The following LTA4H variants were observed in gnomAD, a reference collection of about 807,000 sequenced individuals.
LTA4H encodes the protein leukotriene A-4 hydrolase.
In LTA4H, 59 loss-of-function variants were observed where a neutral mutation model predicts 89.8. The observed-to-expected ratio is 0.66, with a 90% CI of 0.53 to 0.82. The LOEUF is 0.82. Among genes scored for constraint, LTA4H ranks in the 40% least tolerant of loss-of-function variants. LTA4H has a pLI of 0.00. For synonymous variants in LTA4H, 227 were observed against 253.1 expected (o/e 0.90, Z 0.98); for missense variants, 617 against 727.0 (o/e 0.85, Z 1.74).
chr12:96,008,225 G>A (rs906538440), intron 15 of LTA4H, among the ~76,000 whole-genome samples: 6 of 152,068 alleles, frequency 3.9e-5, no homozygotes, highest in Admixed American at 6.6e-5. Context: ...TGATAAATCT[G>A]TTGCAAATTA....
intron 1 of LTA4H, among the ~76,000 whole-genome samples, chr12:96,041,947 C>G (rs1406651132): frequency 3.3e-5 from 5 of 151,610 alleles, no homozygotes; most frequent in African/African-American, 1.2e-4. Context: ...GGCCATAAAC[C>G]CCTAGTTTTA....
intron 3 of LTA4H, among the ~76,000 whole-genome samples, chr12:96,024,859 G>A (rs1950495929): frequency 1.3e-5 from 2 of 152,048 alleles, no homozygotes; most frequent in South Asian, 4.2e-4. Context: ...GTAGAGATGG[G>A]GTTTCTCCAT....
At chr12:96,020,695 T>C (rs1010668064) in intron 6 of LTA4H, 4 of 167,396 alleles carry the variant, frequency 2.4e-5, no homozygotes, top group African/African-American at 4.8e-5. Flanking sequence ...CTTACATTTC[T>C]GTAATATTTG....
chr12:96,023,612 G>A (rs1950478954), intron 4 of LTA4H, among the ~76,000 whole-genome samples: 1 of 152,160 alleles, frequency 6.6e-6, no homozygotes, highest in Non-Finnish European at 1.5e-5. Flanking sequence ...AAGCAAGAAG[G>A]CCCCATAAAT....
At chr12:96,031,701 C>T (rs1950575628) in intron 1 of LTA4H, among the ~76,000 whole-genome samples, 1 of 152,152 alleles carries the variant, frequency 6.6e-6, no homozygotes, top group South Asian at 2.1e-4. Context: ...TCCATGTCAA[C>T]CCTGTGGCCC....
chr12:96,009,028 G>T, intron 15 of LTA4H, 66 bp downstream of exon 15: 2 of 1,193,566 alleles, frequency 1.7e-6, no homozygotes, highest in Non-Finnish European at 1.2e-6. Context: ...TACCCTCCCT[G>T]CTTCATGAGT....
chr12:96,020,247 T>G (rs1950438571), intron 6 of LTA4H, among the ~76,000 whole-genome samples: 1 of 152,152 alleles, frequency 6.6e-6, no homozygotes, highest in Admixed American at 6.5e-5. Flanking sequence ...AACTTTGTCA[T>G]GCACTTAAAG....
Position 96,024,363 on chromosome 12 carries a change from T to A in LTA4H, c.480+116A>T, listed in dbSNP as rs1950488270. ...CTTTGTTTACATATTTCAGGTAGAA[T>A]TTCATTAAGAAAAATAATTCTAGCT... On this transcript the variant is annotated intron_variant, in intron 4 of 18. Transcript: ENST00000228740. 3.3e-5 allele frequency: 20 copies of A among 597,602 alleles called. 1 individual carries two copies. The South Asian group carries it at 4.7e-4, about 14-fold the overall frequency. The allele number at this position is 597,602 out of a possible 1,614,324, so 37.0% of individuals were successfully genotyped here.
chr12:96,021,378 T>C (rs1270371343), intron 5 of LTA4H, among the ~76,000 whole-genome samples: 1 of 152,172 alleles, frequency 6.6e-6, no homozygotes, highest in Non-Finnish European at 1.5e-5. Flanking sequence ...AACAAAAGCT[T>C]CTCACACATG....
At chr12:96,023,038 C>T (rs114605818) in intron 4 of LTA4H, among the ~76,000 whole-genome samples, 3,384 of 152,254 alleles carry the variant, frequency 0.022, 127 homozygotes, top group African/African-American at 0.077. Context: ...ACCATATAGT[C>T]ATTTAACTGT....
upstream of LTA4H, among the ~76,000 whole-genome samples, chr12:96,038,929 T>G (rs959620514): frequency 5.9e-5 from 9 of 151,636 alleles, no homozygotes; most frequent in African/African-American, 1.5e-4. Context: ...CATTAATATA[T>G]TCATCAAAAA....
At chr12:96,035,810 A>G (rs924736589), upstream of LTA4H, 4 of 398,484 alleles carry the variant, frequency 1.0e-5, no homozygotes, top group South Asian at 4.8e-5. Context: ...AGAGGAGGGG[A>G]GTAGGGGCAG....
chr12:96,032,326 C>G (rs1950583099), intron 1 of LTA4H, among the ~76,000 whole-genome samples: 1 of 152,220 alleles, frequency 6.6e-6, no homozygotes, highest in African/African-American at 2.4e-5. Context: ...TGACGTCTCT[C>G]CTGATTCCGC....
At chr12:96,005,173 C>T (rs895990796) in intron 16 of LTA4H, among the ~76,000 whole-genome samples, 11 of 152,158 alleles carry the variant, frequency 7.2e-5, no homozygotes, top group African/African-American at 2.4e-4. Context: ...TGCCTAGATT[C>T]GAAACCTTAA....
chr12:96,005,792 A>AG (rs1950188585), intron 16 of LTA4H, among the ~76,000 whole-genome samples: 1 of 152,336 alleles, frequency 6.6e-6, no homozygotes, highest in Non-Finnish European at 1.5e-5. Context: ...TCTGTTGCTC[A>AG]GGCTGGAGTA....
intron 3 of LTA4H, among the ~76,000 whole-genome samples, chr12:96,026,087 C>T (rs1168893018): frequency 6.6e-6 from 1 of 152,184 alleles, no homozygotes; most frequent in African/African-American, 2.4e-5. Context: ...AAGATATAGG[C>T]TCCCAAATGA....
chr12:96,027,454 C>T lies in LTA4H; in HGVS notation c.401G>A (p.Ser134Asn), dbSNP rs550798263. ...TSGKEHPYLF[S>N]QCQAIHCRAI... Reference sequence around the variant, plus strand: ...TGGAATCCTTTTTACCTGGCACTGACTAAAGAGATATGGGTGTTCCTTCCC... The same window carrying T: ...TGGAATCCTTTTTACCTGGCACTGATTAAAGAGATATGGGTGTTCCTTCCC... The change falls in exon 3 of 19, where the codon AGT becomes AAT. Residue 134 changes from serine (S) to asparagine (N), a missense_variant. By Grantham distance (46) the Ser-to-Asn change is conservative. This residue lies in a region of LTA4H where 172 missense variants were observed against 244.5 expected (regional missense o/e 0.70). Transcript: ENST00000228740. The T allele has an allele frequency of 6.2e-7, 1 of 1,603,196 alleles. No individual in the cohort carries two copies. The highest frequency in any genetic ancestry group is 1.1e-5 in the South Asian group (1 of 88,692).
chr12:96,029,192 T>G lies in LTA4H; in HGVS notation c.160-7A>C, dbSNP rs1950545151. ...GGTCCTTTGTATCCAAAACCTAAAA[T>G]TAATATTTTTAAATAGTAAGAAAAT... On this transcript the variant is annotated splice_polypyrimidine_tract_variant and splice_region_variant and intron_variant, in intron 1 of 18. Transcript: ENST00000228740. 6.9e-7 allele frequency: 1 copy of G among 1,444,080 alleles called. No individual in the cohort carries two copies. The highest frequency in any genetic ancestry group is 1.4e-5 in the African/African-American group (1 of 69,354). 89.5% of individuals were successfully genotyped at this position (1,444,080 alleles called of 1,614,324 possible).
intron 17 of LTA4H, 67 bp downstream of exon 17, chr12:96,003,771 T>C: frequency 1.8e-6 from 2 of 1,086,434 alleles, no homozygotes; most frequent in Non-Finnish European, 1.4e-6. Flanking sequence ...CTGCATTCCC[T>C]TTCTCCATCT....
Sources: gnomAD v4.1 joint callset for allele counts (sites outside exome capture counted in the v4.1 genomes callset) on GRCh38, gnomAD v4.1.1 for gene constraint, gnomAD v4.1.1 regional missense constraint, MANE v1.5 for transcripts, NCBI Gene and HGNC (gene_info 2026-07-23, HGNC 2026-07-21) for gene names.